The following NDUFS4 variants were observed in gnomAD, a reference collection of about 807,000 sequenced individuals.
The protein encoded by NDUFS4 is NADH:ubiquinone oxidoreductase subunit S4, also known as NADH dehydrogenase [ubiquinone] iron-sulfur protein 4, mitochondrial.
A neutral mutation model predicts 24.3 loss-of-function variants in NDUFS4; 28 were observed. The observed-to-expected ratio is 1.15, with a 90% CI of 0.85 to 1.58. NDUFS4 has a LOEUF of 1.58. NDUFS4 is among the 40% of genes most tolerant of loss of function. The pLI is 0.00. For missense variants in NDUFS4, 223 were observed against 207.9 expected (o/e 1.07, Z -0.45); for synonymous variants, 93 against 69.7 (o/e 1.34, Z -1.67).
chr5:53,583,941 G>A (rs1458280779), intron 1 of NDUFS4, among the ~76,000 whole-genome samples: 1 of 152,206 alleles, frequency 6.6e-6, no homozygotes, highest in African/African-American at 2.4e-5. Flanking sequence ...CAAGTAATAT[G>A]TTAAATGTTT....
At chr5:53,623,602 A>G (rs1454889972) in intron 2 of NDUFS4, among the ~76,000 whole-genome samples, 1 of 151,990 alleles carries the variant, frequency 6.6e-6, no homozygotes, top group African/African-American at 2.4e-5. Flanking sequence ...ATGTGCTTTT[A>G]TTGTCATATC....
At chr5:53,582,346 G>T (rs1249281075) in intron 1 of NDUFS4, among the ~76,000 whole-genome samples, 1 of 152,106 alleles carries the variant, frequency 6.6e-6, no homozygotes, top group Non-Finnish European at 1.5e-5. Context: ...GTCAAGAGTG[G>T]CCAGAGCCAG....
chr5:53,589,532 G>T (rs1168121957), intron 1 of NDUFS4, among the ~76,000 whole-genome samples: 1 of 152,236 alleles, frequency 6.6e-6, no homozygotes, highest in Non-Finnish European at 1.5e-5. Flanking sequence ...ATTTAGGTAA[G>T]TTACGTTCCT....
chr5:53,668,007 G>A (rs1752568012), intron 4 of NDUFS4, among the ~76,000 whole-genome samples: 1 of 152,150 alleles, frequency 6.6e-6, no homozygotes, highest in Non-Finnish European at 1.5e-5. Context: ...AGCTGATTCT[G>A]TGTTAATAGT....
chr5:53,569,770 G>A (rs1341720896), intron 1 of NDUFS4, among the ~76,000 whole-genome samples: 1 of 152,144 alleles, frequency 6.6e-6, no homozygotes, highest in South Asian at 2.1e-4. Flanking sequence ...TCCAGGCTTA[G>A]CACGTCCAGT....
intron 1 of NDUFS4, among the ~76,000 whole-genome samples, chr5:53,594,505 A>C (rs568236149): frequency 6.6e-6 from 1 of 152,098 alleles, no homozygotes; most frequent in African/African-American, 2.4e-5. Flanking sequence ...TAATTGGTAT[A>C]TTTAGACTAT....
At chr5:53,666,671 C>T (rs554459056) in intron 4 of NDUFS4, among the ~76,000 whole-genome samples, 6 of 152,316 alleles carry the variant, frequency 3.9e-5, no homozygotes, top group African/African-American at 1.2e-4. Flanking sequence ...CACAGTGGCT[C>T]ATGCCTGTAA....
intron 1 of NDUFS4, among the ~76,000 whole-genome samples, chr5:53,575,500 G>C (rs1378326045): frequency 7.1e-6 from 1 of 140,536 alleles, no homozygotes. Flanking sequence ...GATCTAAAAT[G>C]ACTCAAAATA....
In NDUFS4 at chr5:53,646,229, G is replaced by C. The variant is rs200384843; in HGVS notation, c.178-4G>C. 116 of 1,601,746 alleles carry C rather than the reference G, an allele frequency of 7.2e-5. 1 individual carries two copies. In the East Asian group the frequency reaches 2.5e-3, roughly 34 times the overall value. On this transcript the variant is annotated splice_polypyrimidine_tract_variant and splice_region_variant and intron_variant, in intron 2 of 4. Coordinates refer to ENST00000296684, the MANE Select transcript of NDUFS4 (RefSeq NM_002495.4). ...ACGTGTTTTTTTTTCTTGTTTTTCT[G>C]TAGGATATCACTACTTTAACTGGAG...
intron 2 of NDUFS4, among the ~76,000 whole-genome samples, chr5:53,622,515 A>G (rs1751078916): frequency 6.6e-6 from 1 of 152,074 alleles, no homozygotes; most frequent in South Asian, 2.1e-4. Flanking sequence ...TAATCCCATT[A>G]TGAGGGCCTT....
rs183391243 is a variant in NDUFS4, at chr5:53,587,521, T to C, written c.99-15931T>C. Reference sequence around the variant, plus strand: ...TAGATTAGCAACAGACAAACACATATATTGATCTAAGCCATCTGAAACTCA... The same window carrying C: ...TAGATTAGCAACAGACAAACACATACATTGATCTAAGCCATCTGAAACTCA... On this transcript the variant is annotated intron_variant, in intron 1 of 4. Transcript: ENST00000296684. 1.9e-4 allele frequency among the ~76,000 whole-genome samples: 29 copies of C among 152,268 alleles called. No individual in the cohort carries two copies. In the East Asian group the frequency reaches 4.3e-3, roughly 22 times the overall value.
At chr5:53,632,609 C>G (rs527734813) in intron 2 of NDUFS4, among the ~76,000 whole-genome samples, 5 of 152,234 alleles carry the variant, frequency 3.3e-5, no homozygotes, top group African/African-American at 1.2e-4. Context: ...TTGCTTTGTT[C>G]TGCTTGGGAT....
At chr5:53,580,958 C>T (rs572333467) in intron 1 of NDUFS4, among the ~76,000 whole-genome samples, 48 of 152,142 alleles carry the variant, frequency 3.2e-4, no homozygotes, top group African/African-American at 1.1e-3. Context: ...CCCAGCCTCC[C>T]AAGTAGCTGG....
chr5:53,627,189 G>A (rs1296785954), intron 2 of NDUFS4, among the ~76,000 whole-genome samples: 1 of 152,142 alleles, frequency 6.6e-6, no homozygotes, highest in African/African-American at 2.4e-5. Context: ...TCAGATGGTT[G>A]TAGATATGTG....
chr5:53,662,683 G>A (rs1006305869), intron 4 of NDUFS4, among the ~76,000 whole-genome samples: 1 of 152,060 alleles, frequency 6.6e-6, no homozygotes, highest in Admixed American at 6.5e-5. Context: ...GCCTGTTATT[G>A]GTCTATTTAG....
chr5:53,577,157 T>G (rs1192204664), intron 1 of NDUFS4, among the ~76,000 whole-genome samples: 1 of 152,172 alleles, frequency 6.6e-6, no homozygotes, highest in Non-Finnish European at 1.5e-5. Flanking sequence ...CGATTGTTGC[T>G]GTGAGCAGTA....
At chr5:53,582,903 T>G (rs116064086) in intron 1 of NDUFS4, among the ~76,000 whole-genome samples, 44 of 152,322 alleles carry the variant, frequency 2.9e-4, no homozygotes, top group African/African-American at 1.1e-3. Context: ...ATAAGCAGTA[T>G]AGCATATATT....
At chr5:53,626,393 C>T (rs1751227189) in intron 2 of NDUFS4, among the ~76,000 whole-genome samples, 2 of 151,606 alleles carry the variant, frequency 1.3e-5, no homozygotes, top group South Asian at 4.2e-4. Context: ...CCTTTGGGTA[C>T]CCAGTAATGG....
chr5:53,605,645 GT>G (rs2112459831), intron 2 of NDUFS4, among the ~76,000 whole-genome samples: 1 of 152,188 alleles, frequency 6.6e-6, no homozygotes, highest in Non-Finnish European at 1.5e-5. Context: ...AAGGGGATTG[GT>G]TCTAGGACTC....
Sources: gnomAD v4.1 joint callset for allele counts (sites outside exome capture counted in the v4.1 genomes callset) on GRCh38, gnomAD v4.1.1 for gene constraint, MANE v1.5 for transcripts, NCBI Gene and HGNC (gene_info 2026-07-23, HGNC 2026-07-21) for gene names.